Variants in DNAH8 observed in about 807,000 individuals in gnomAD.
The protein encoded by DNAH8 is axonemal beta dynein heavy chain 8.
In DNAH8, 382 loss-of-function variants were observed where a neutral mutation model predicts 562.1. The observed-to-expected ratio is 0.68, with a 90% CI of 0.63 to 0.74. The LOEUF is 0.74. Among genes scored for constraint, DNAH8 ranks in the 30% least tolerant of loss-of-function variants. The probability of loss-of-function intolerance (pLI) is 0.00; values close to 1 mark genes in which losing one functional copy is unlikely to be tolerated. For missense variants in DNAH8, 5,203 were observed against 5,620.4 expected (o/e 0.93, Z 2.37); for synonymous variants, 1,881 against 1,919.4 (o/e 0.98, Z 0.52).
At chr6:38,719,554 G>A (rs1307611434) in intron 1 of DNAH8, among the ~76,000 whole-genome samples, 6 of 152,124 alleles carry the variant, frequency 3.9e-5, no homozygotes, top group Non-Finnish European at 5.9e-5. Flanking sequence ...TTGCTTCAGA[G>A]GACATGTGTT....
At chr6:38,891,725 A>C (rs932552185) in intron 58 of DNAH8, among the ~76,000 whole-genome samples, 1 of 152,226 alleles carries the variant, frequency 6.6e-6, no homozygotes, top group East Asian at 1.9e-4. Flanking sequence ...GGTAAGATAC[A>C]TGTGGTTTCC....
intron 87 of DNAH8, 93 bp from the exon 88 acceptor site, chr6:38,989,918 TA>T: frequency 1.5e-6 from 1 of 678,994 alleles, no homozygotes; most frequent in South Asian, 2.0e-5. Context: ...AAAACTCTGT[TA>T]AAATGGAAAT....
In DNAH8 at chr6:38,823,689, G is replaced by A; in HGVS notation, c.3847+1G>A. On this transcript the variant is annotated splice_donor_variant, in intron 28 of 92. Coordinates refer to ENST00000327475, the MANE Select transcript of DNAH8 (RefSeq NM_001206927.2). LOFTEE classifies it high-confidence loss of function. The stretch of plus-strand genomic sequence containing the variant: ...GTAGGAGCACTTGAATTACATACAG[G>A]TATTTTAAAAATGTTTATTATGTAA... 6 of 1,585,770 alleles carry A rather than the reference G, an allele frequency of 3.8e-6. No homozygotes were observed. The highest frequency in any genetic ancestry group is 4.3e-6 in the Non-Finnish European group (5 of 1,161,484).
intron 16 of DNAH8, 94 bp downstream of exon 16, chr6:38,781,467 C>A: frequency 2.9e-6 from 4 of 1,392,376 alleles, no homozygotes; most frequent in South Asian, 1.5e-5. Context: ...ATTAAAGTAG[C>A]CAACAACGAG....
intron 88 of DNAH8, among the ~76,000 whole-genome samples, chr6:39,004,899 C>T (rs978120125): frequency 5.3e-5 from 8 of 152,136 alleles, no homozygotes; most frequent in African/African-American, 7.2e-5. Context: ...TATTCCAGTG[C>T]CACATTTTGT....
At position 38,717,940 on chromosome 6, in the gene DNAH8, C is replaced by A. The variant is rs937352335; in HGVS notation, c.-35+2525C>A. On this transcript the variant is annotated intron_variant, in intron 1 of 92. Coordinates refer to ENST00000327475, the MANE Select transcript of DNAH8 (RefSeq NM_001206927.2). The stretch of plus-strand genomic sequence containing the variant: ...TATGCATCTTAGAATTGATGAAATA[C>A]CGTATATACACATATACACACTTTA... Among the ~76,000 whole-genome samples the A allele has an allele frequency of 5.3e-5, 8 of 152,182 alleles. No homozygotes were observed. The East Asian group carries it at 1.2e-3, about 22-fold the overall frequency.
At chr6:38,890,795 GC>G in intron 58 of DNAH8, 34 bp downstream of exon 58, 1 of 1,443,570 alleles carries the variant, frequency 6.9e-7, no homozygotes. Context: ...TTTTAAAAAG[GC>G]AACTATTATT....
rs1383050625 is a variant in DNAH8 at position 38,826,197 on chromosome 6, A to C, written c.3889A>C (p.Lys1297Gln). ...CTTATCCATCGAGGCCAAGGCATGG[A>C]AGATGTTACTCTGTCGATATCTGAA... is the stretch of plus-strand genomic sequence containing the variant. ...LALSIEAKAWKMLLCRYLNEE... is the reference protein window; with the variant it reads ...LALSIEAKAWQMLLCRYLNEE... Residue 1297 changes from lysine (K) to glutamine (Q), a missense_variant, in exon 29 of 93, where the codon AAG becomes CAG. Physicochemically the swap from Lys to Gln is moderately conservative, Grantham distance 53 (BLOSUM62 1). This residue lies in a region of DNAH8 where 2,176 missense variants were observed against 2,365.1 expected (regional missense o/e 0.92). Coordinates refer to ENST00000327475, the MANE Select transcript of DNAH8 (RefSeq NM_001206927.2). The C allele has an allele frequency of 5.0e-6, 8 of 1,612,676 alleles. No homozygotes were observed. Among genetic ancestry groups the C allele is most frequent in the Non-Finnish European group, 6.8e-6 (8 of 1,179,424 alleles).
intron 91 of DNAH8, among the ~76,000 whole-genome samples, chr6:39,022,785 T>C (rs1329653241): frequency 1.3e-5 from 2 of 152,206 alleles, no homozygotes; most frequent in African/African-American, 4.8e-5. Context: ...CCTGCAGTCT[T>C]GCTGTGCTGG....
intron 82 of DNAH8, among the ~76,000 whole-genome samples, chr6:38,963,265 T>TC (rs1762738411): frequency 1.5e-5 from 1 of 68,792 alleles, no homozygotes; most frequent in African/African-American, 5.1e-5. Context: ...TTTTTTTTTT[T>TC]TTTTTTTTTT....
At chr6:38,876,810 C>A (rs1460040773) in intron 53 of DNAH8, among the ~76,000 whole-genome samples, 2 of 152,136 alleles carry the variant, frequency 1.3e-5, no homozygotes, top group Admixed American at 6.5e-5. Flanking sequence ...TAGAGGGTTT[C>A]CTAGACTTGG....
At chr6:38,816,058 TTTTG>T (rs1772238314) in intron 26 of DNAH8, among the ~76,000 whole-genome samples, 1 of 136,110 alleles carries the variant, frequency 7.3e-6, no homozygotes, top group Non-Finnish European at 1.5e-5. Flanking sequence ...TTTTATTTTA[TTTTG>T]TTTTATTTTA....
chr6:38,853,070 A>G (rs1775887503), intron 40 of DNAH8, 116 bp from the exon 41 acceptor site: 1 of 805,548 alleles, frequency 1.2e-6, no homozygotes, highest in Non-Finnish European at 1.9e-6. Flanking sequence ...TATTTTGTAT[A>G]AAATATGAAA....
In DNAH8 at chr6:38,922,993, A is replaced by G. The variant is rs1583362216; in HGVS notation, c.10663-65A>G. 18 of 1,515,556 alleles carry G rather than the reference A, an allele frequency of 1.2e-5. No homozygotes were observed. The East Asian group carries it at 4.1e-4, about 35-fold the overall frequency. The allele number at this position is 1,515,556 out of a possible 1,614,324, so 93.9% of individuals were successfully genotyped here. A position where few individuals can be genotyped will look rare whatever the true frequency, so the allele number is the denominator to read the frequency against. ...CCCCCATGTATTTTTATGTGTGAATATAATGGATGTTTGTGTTAAGCACTT... is the reference window on the plus strand; with the variant it reads ...CCCCCATGTATTTTTATGTGTGAATGTAATGGATGTTTGTGTTAAGCACTT... On this transcript the variant is annotated intron_variant, in intron 71 of 92. Transcript: ENST00000327475.
At chr6:38,882,255 T>C (rs1309958265) in intron 53 of DNAH8, among the ~76,000 whole-genome samples, 1 of 152,156 alleles carries the variant, frequency 6.6e-6, no homozygotes, top group Non-Finnish European at 1.5e-5. Context: ...TAAAGACACA[T>C]GCATGCATAT....
intron 53 of DNAH8, 75 bp from the exon 54 acceptor site, chr6:38,882,835 C>T (rs1183945062): frequency 1.3e-5 from 13 of 1,039,032 alleles, no homozygotes; most frequent in Non-Finnish European, 1.7e-5. Flanking sequence ...GTTTATTGCA[C>T]TTAACATTTT....
chr6:38,888,767 ACT>A (rs1392086999), intron 57 of DNAH8, among the ~76,000 whole-genome samples: 2 of 152,024 alleles, frequency 1.3e-5, no homozygotes, highest in Non-Finnish European at 2.9e-5. Flanking sequence ...AGCAACTGAG[ACT>A]CTCATTGCCT....
At chr6:38,936,687 C>A (rs1782998496) in intron 77 of DNAH8, among the ~76,000 whole-genome samples, 2 of 152,222 alleles carry the variant, frequency 1.3e-5, no homozygotes, top group South Asian at 4.1e-4. Flanking sequence ...TTTGGGATAC[C>A]CCTGGGCATT....
intron 64 of DNAH8, among the ~76,000 whole-genome samples, chr6:38,908,565 AT>A (rs201299548): frequency 6.6e-6 from 1 of 152,086 alleles, no homozygotes; most frequent in East Asian, 1.9e-4. Flanking sequence ...TATTTGGTTT[AT>A]TTTTGGTACA....
Sources: gnomAD v4.1 joint callset for allele counts (sites outside exome capture counted in the v4.1 genomes callset) on GRCh38, gnomAD v4.1.1 for gene constraint, gnomAD v4.1.1 regional missense constraint, MANE v1.5 for transcripts, NCBI Gene and HGNC (gene_info 2026-07-23, HGNC 2026-07-21) for gene names.